ECPAS: variants seen among roughly 807,000 people sequenced by gnomAD.
ECPAS encodes proteasome adapter and scaffold protein ECM29.
ECPAS carries 70 observed loss-of-function variants against 255.1 expected under a neutral mutation model. The observed-to-expected ratio is 0.27, with a 90% CI of 0.23 to 0.33. The LOEUF is 0.33. ECPAS is among the 10% of genes least tolerant of loss of function. ECPAS has a pLI of 1.00. For missense variants in ECPAS, 1,817 were observed against 2,206.4 expected (o/e 0.82, Z 3.54); for synonymous variants, 784 against 775.0 (o/e 1.01, Z -0.19).
At chr9:111,460,102 A>T (rs2098271470) in intron 2 of ECPAS, among the ~76,000 whole-genome samples, 2 of 152,264 alleles carry the variant, frequency 1.3e-5, no homozygotes, top group Non-Finnish European at 2.9e-5. Context: ...ATCCAGCGAT[A>T]CATAAAAAGG....
intron 23 of ECPAS, 72 bp downstream of exon 23, chr9:111,409,969 T>A (rs1564525229): frequency 9.3e-7 from 1 of 1,078,834 alleles, no homozygotes; most frequent in Admixed American, 2.4e-5. Context: ...ATTCTCATTA[T>A]AATCTGTTTT....
chr9:111,404,065 G>T (rs1383572935), intron 24 of ECPAS, among the ~76,000 whole-genome samples: 2 of 149,346 alleles, frequency 1.3e-5, no homozygotes, highest in East Asian at 2.0e-4. Flanking sequence ...TGATAAAAAA[G>T]AAAATAAAAA....
intron 25 of ECPAS, among the ~76,000 whole-genome samples, chr9:111,394,893 C>T (rs2098165423): frequency 6.6e-6 from 1 of 152,154 alleles, no homozygotes; most frequent in African/African-American, 2.4e-5. Flanking sequence ...TACATTAAGA[C>T]CCTTCAAAAT....
At chr9:111,375,037 A>G (rs1341903698) in intron 38 of ECPAS, 76 bp downstream of exon 38, 4 of 1,079,682 alleles carry the variant, frequency 3.7e-6, no homozygotes, top group Non-Finnish European at 5.7e-6. Context: ...CATGAATTTC[A>G]AACATGATGG....
At chr9:111,394,443 C>T in intron 25 of ECPAS, 138 bp from the exon 26 acceptor site, 1 of 729,316 alleles carries the variant, frequency 1.4e-6, no homozygotes, top group Non-Finnish European at 2.0e-6. Flanking sequence ...TTTAAAGTTG[C>T]TGAAGGAATC....
chr9:111,468,831 A>T (rs547687238), intron 2 of ECPAS, among the ~76,000 whole-genome samples: 4 of 152,118 alleles, frequency 2.6e-5, no homozygotes, highest in Non-Finnish European at 4.4e-5. Flanking sequence ...AAGAGAATGG[A>T]CTCTGACAGT....
chr9:111,482,507 T>C (rs2098307437), intron 1 of ECPAS, among the ~76,000 whole-genome samples: 1 of 152,236 alleles, frequency 6.6e-6, no homozygotes, highest in Non-Finnish European at 1.5e-5. Flanking sequence ...ACTACTTTCA[T>C]ATGGAAATTC....
At chr9:111,444,290 T>G in intron 4 of ECPAS, 88 bp downstream of exon 4, 1 of 857,390 alleles carries the variant, frequency 1.2e-6, no homozygotes, top group Non-Finnish European at 1.8e-6. Flanking sequence ...GGTGAAATTC[T>G]AAACTTGCCA....
At chr9:111,419,498 C>T (rs1429285422) in intron 16 of ECPAS, among the ~76,000 whole-genome samples, 2 of 151,962 alleles carry the variant, frequency 1.3e-5, no homozygotes, top group East Asian at 3.8e-4. Flanking sequence ...ACCATTTAAA[C>T]ATTCTTTTAA....
At chr9:111,399,417 G>A (rs1209291655) in intron 24 of ECPAS, among the ~76,000 whole-genome samples, 1 of 152,200 alleles carries the variant, frequency 6.6e-6, no homozygotes, top group Non-Finnish European at 1.5e-5. Flanking sequence ...AGCTTGGAAA[G>A]AGAACCTGTG....
At chr9:111,478,679 G>C (rs555295557) in intron 1 of ECPAS, among the ~76,000 whole-genome samples, 1 of 152,134 alleles carries the variant, frequency 6.6e-6, no homozygotes, top group African/African-American at 2.4e-5. Context: ...TCAAATGCAA[G>C]GCAGAAAATG....
intron 27 of ECPAS, 89 bp from the exon 28 acceptor site, chr9:111,392,971 C>A: frequency 1.4e-6 from 1 of 714,298 alleles, no homozygotes; most frequent in Non-Finnish European, 2.4e-6. Context: ...TATGTTGACA[C>A]TGACCCAAAA....
intron 2 of ECPAS, among the ~76,000 whole-genome samples, chr9:111,454,599 G>A (rs1260277543): frequency 6.6e-6 from 1 of 152,012 alleles, no homozygotes; most frequent in Non-Finnish European, 1.5e-5. Flanking sequence ...ACACTGTTAC[G>A]TCATCTTTAC....
intron 5 of ECPAS, among the ~76,000 whole-genome samples, 163 bp from the exon 6 acceptor site, chr9:111,440,684 C>T (rs2098244616): frequency 1.3e-5 from 2 of 152,112 alleles, no homozygotes; most frequent in South Asian, 2.1e-4. Flanking sequence ...TAGGGACTGG[C>T]CTAGAATTCT....
chr9:111,381,969 G>C (rs2098141086), intron 35 of ECPAS, among the ~76,000 whole-genome samples: 2 of 151,094 alleles, frequency 1.3e-5, no homozygotes, highest in Non-Finnish European at 2.9e-5. Flanking sequence ...CCCCTGCACA[G>C]ATCTACAGGC....
chr9:111,394,748 TAC>T (rs2098165209), intron 25 of ECPAS, among the ~76,000 whole-genome samples: 2 of 152,226 alleles, frequency 1.3e-5, no homozygotes, highest in South Asian at 4.1e-4. Context: ...AGCTGTGCTA[TAC>T]ACTGCAGGAT....
chr9:111,443,137 A>G (rs2098248129), intron 4 of ECPAS, among the ~76,000 whole-genome samples: 1 of 152,344 alleles, frequency 6.6e-6, no homozygotes, highest in East Asian at 1.9e-4. Context: ...AGCAATTCAG[A>G]TAAGGGATAC....
intron 21 of ECPAS, among the ~76,000 whole-genome samples, chr9:111,411,408 G>C (rs551083044): frequency 1.3e-5 from 2 of 152,102 alleles, no homozygotes. Flanking sequence ...CTCCAATTCC[G>C]GGTGAGATGA....
intron 15 of ECPAS, among the ~76,000 whole-genome samples, chr9:111,421,236 T>C (rs947154715): frequency 6.6e-6 from 1 of 152,140 alleles, no homozygotes; most frequent in African/African-American, 2.4e-5. Context: ...TTTCTGAACA[T>C]TTAAAATTCC....
Sources: allele counts gnomAD v4.1 joint callset (sites outside exome capture counted in the v4.1 genomes callset), GRCh38; gene constraint gnomAD v4.1.1; transcripts MANE v1.5; gene names NCBI Gene and HGNC (gene_info 2026-07-23, HGNC 2026-07-21).